Variants in PLCG2 observed in about 807,000 individuals in gnomAD.
PLCG2 encodes the protein 1-phosphatidylinositol 4,5-bisphosphate phosphodiesterase gamma-2.
A neutral mutation model predicts 175.6 loss-of-function variants in PLCG2; 69 were observed. The ratio of observed to expected loss-of-function variants is 0.39; its 90% CI spans 0.32 to 0.48. The LOEUF (loss-of-function observed/expected upper bound fraction) is 0.48. PLCG2 is among the 20% of genes least tolerant of loss of function. PLCG2 has a pLI of 0.91. For synonymous variants in PLCG2, 827 were observed against 624.0 expected, an observed-to-expected ratio of 1.33 and a Z score of -4.85; for missense variants, 1,798 against 1,650.9, an observed-to-expected ratio of 1.09 and a Z score of -1.54.
At chr16:81,808,997 C>T (rs183677259) in intron 2 of PLCG2, among the ~76,000 whole-genome samples, 1 of 152,254 alleles carries the variant, frequency 6.6e-6, no homozygotes, top group Non-Finnish European at 1.5e-5. Context: ...CAGGCATTGT[C>T]CTCTAAAATA....
At chr16:81,939,067 GATACATACAA>G in intron 29 of PLCG2, 152 bp downstream of exon 29, 1 of 616,044 alleles carries the variant, frequency 1.6e-6, no homozygotes, top group East Asian at 2.7e-5. Flanking sequence ...TTGAGGAGGG[GATACATACAA>G]AGGGCCACTT....
intron 11 of PLCG2, among the ~76,000 whole-genome samples, chr16:81,892,843 TAAA>T (rs1908699653): frequency 7.8e-6 from 1 of 127,872 alleles, no homozygotes; most frequent in Non-Finnish European, 1.6e-5. Context: ...GTGAGGAACA[TAAA>T]CTTTTTTTTT....
chr16:81,816,872 C>A (rs1904576536), intron 2 of PLCG2, among the ~76,000 whole-genome samples: 1 of 151,982 alleles, frequency 6.6e-6, no homozygotes, highest in Non-Finnish European at 1.5e-5. Context: ...GCGCTGTTAT[C>A]ATTAGTGGGA....
chr16:81,883,659 C>T (rs1388653941), intron 9 of PLCG2: 2 of 381,082 alleles, frequency 5.2e-6, no homozygotes, highest in African/African-American at 2.1e-5. Context: ...CTGCCCTCAC[C>T]TGGCTGGGTG....
intron 27 of PLCG2, chr16:81,937,555 G>C (rs1910765620): frequency 2.3e-6 from 1 of 428,724 alleles, no homozygotes; most frequent in East Asian, 3.5e-5. Context: ...GGGATTTGGT[G>C]ACATACTTGG....
chr16:81,837,035 C>G (rs1477092344), intron 2 of PLCG2, among the ~76,000 whole-genome samples: 1 of 152,180 alleles, frequency 6.6e-6, no homozygotes, highest in African/African-American at 2.4e-5. Context: ...TGGGAAGACT[C>G]AACATCAGTT....
chr16:81,796,653 G>A lies in PLCG2; in HGVS notation c.193+10471G>A, dbSNP rs116604613. ...AGATGAAATCATAATGGAATAGAGT[G>A]GGCCCTAATCCAATATGACTGGTTT... On this transcript the variant is annotated intron_variant, in intron 2 of 32. Transcript: ENST00000564138. Among the ~76,000 whole-genome samples, 1,054 of 152,298 alleles carry A rather than the reference G, an allele frequency of 6.9e-3. 10 individuals carry two copies. Among genetic ancestry groups the A allele is most frequent in the African/African-American group, 0.024 (1,008 of 41,550 alleles).
intron 7 of PLCG2, among the ~76,000 whole-genome samples, chr16:81,875,737 A>C (rs928913458): frequency 1.3e-5 from 2 of 152,232 alleles, no homozygotes; most frequent in Non-Finnish European, 2.9e-5. Flanking sequence ...GCATTCTTAC[A>C]TAAAAATAGA....
upstream of PLCG2, among the ~76,000 whole-genome samples, chr16:81,777,895 T>G (rs1453716023): frequency 2.0e-5 from 3 of 151,082 alleles, no homozygotes; most frequent in Admixed American, 6.6e-5. Flanking sequence ...CATACACCTA[T>G]AATCCCAGCT....
intron 1 of PLCG2, among the ~76,000 whole-genome samples, chr16:81,750,821 C>G (rs905833132): frequency 2.0e-5 from 3 of 151,152 alleles, no homozygotes; most frequent in African/African-American, 4.9e-5. Context: ...GCGCCTGCCA[C>G]CACACCTGCA....
chr16:81,918,088 T>G (rs1409916611), intron 19 of PLCG2, among the ~76,000 whole-genome samples: 1 of 152,220 alleles, frequency 6.6e-6, no homozygotes, highest in African/African-American at 2.4e-5. Context: ...CCTTATATAT[T>G]TTGGATATTG....
Position 81,891,529 on chromosome 16 carries a change from G to A in PLCG2, c.925G>A (p.Val309Met), listed in dbSNP as rs768664050. ...NSIWDEKYDA[V>M]DMQDMNNPLS... ...CATCTGGGATGAGAAGTATGACGCG[G>A]TGGACATGCAGGACATGAACAACCC... Residue 309 changes from valine to methionine, a missense_variant, in exon 11 of 33, where the codon GTG (valine) becomes ATG (methionine). Physicochemically the swap from Val to Met is conservative, Grantham distance 21. Coordinates refer to ENST00000564138, the MANE Select transcript of PLCG2 (RefSeq NM_002661.5). 1.4e-5 allele frequency: 22 copies of A among 1,612,844 alleles called. No homozygotes were observed. The Admixed American group carries it at 2.5e-4, about 18-fold the overall frequency.
chr16:81,774,105 G>C (rs1340419026), intron 2 of PLCG2, among the ~76,000 whole-genome samples: 1 of 148,622 alleles, frequency 6.7e-6, no homozygotes, highest in African/African-American at 2.5e-5. Flanking sequence ...GCTGAGGTGG[G>C]TGGACTGCCA....
chr16:81,745,636 T>G (rs1472014406), intron 1 of PLCG2, among the ~76,000 whole-genome samples: 1 of 152,206 alleles, frequency 6.6e-6, no homozygotes, highest in African/African-American at 2.4e-5. Context: ...GTGGATTTAC[T>G]GTTCTCAAGG....
At chr16:81,874,032 G>A (rs1308702724) in intron 7 of PLCG2, among the ~76,000 whole-genome samples, 1 of 152,150 alleles carries the variant, frequency 6.6e-6, no homozygotes, top group Non-Finnish European at 1.5e-5. Flanking sequence ...ACTTTGTATG[G>A]CAAAGATTCT....
At chr16:81,848,155 A>T (rs1272695806) in intron 2 of PLCG2, among the ~76,000 whole-genome samples, 1 of 152,272 alleles carries the variant, frequency 6.6e-6, no homozygotes, top group African/African-American at 2.4e-5. Context: ...AACAGGATCA[A>T]GAGCGCAGAA....
intron 7 of PLCG2, among the ~76,000 whole-genome samples, chr16:81,879,905 C>T (rs765005398): frequency 8.5e-4 from 130 of 152,276 alleles, no homozygotes; most frequent in Middle Eastern, 3.4e-3. Context: ...CTGAAGCAGT[C>T]CGATATTTCT....
chr16:81,927,207 G>C (rs1910311825), intron 23 of PLCG2, 29 bp downstream of exon 23: 1 of 1,464,702 alleles, frequency 6.8e-7, no homozygotes, highest in Non-Finnish European at 9.6e-7. Context: ...TCCTCTTACA[G>C]GAAGAAGGGA....
rs1042940463 is a variant in PLCG2 at position 81,958,124 on chromosome 16, A to T, written c.*126A>T. The T allele has an allele frequency of 5.5e-6, 4 of 722,810 alleles. No individual in the cohort carries two copies. The highest frequency in any genetic ancestry group is 1.0e-5 in the Non-Finnish European group (4 of 398,556). 44.8% of individuals were successfully genotyped at this position (722,810 alleles called of 1,614,324 possible). ...ACATCTTTTCTTCAAGCCTGCCATC[A>T]AGGACATTTCTTAAGACCCAACTGG... On this transcript the variant is annotated 3_prime_UTR_variant, in exon 33 of 33. Transcript: ENST00000564138.
Sources: allele counts gnomAD v4.1 joint callset (sites outside exome capture counted in the v4.1 genomes callset), GRCh38; gene constraint gnomAD v4.1.1; transcripts MANE v1.5; gene names NCBI Gene and HGNC (gene_info 2026-07-23, HGNC 2026-07-21).